Variants in ST3GAL1 observed in about 807,000 individuals in gnomAD.
The protein encoded by ST3GAL1 is ST3 beta-galactoside alpha-2,3-sialyltransferase 1.
ST3GAL1 carries 16 observed loss-of-function variants against 34.1 expected under a neutral mutation model. That is an observed-to-expected ratio of 0.47 (90% CI 0.32 to 0.71). ST3GAL1 has a LOEUF of 0.71. Among genes scored for constraint, ST3GAL1 ranks in the 30% least tolerant of loss-of-function variants. The probability of loss-of-function intolerance (pLI) is 0.04; values close to 1 mark genes in which losing one functional copy is unlikely to be tolerated. For missense variants in ST3GAL1, 353 were observed against 447.4 expected, an observed-to-expected ratio of 0.79 and a Z score of 1.90; for synonymous variants, 191 against 184.7, an observed-to-expected ratio of 1.03 and a Z score of -0.28.
chr8:133,498,865 G>A (rs977019360), intron 3 of ST3GAL1, among the ~76,000 whole-genome samples: 3 of 152,162 alleles, frequency 2.0e-5, no homozygotes, highest in South Asian at 2.1e-4. Context: ...CAGTGAGCTC[G>A]ATCCTGAACC....
rs139144312 is a variant in ST3GAL1, at chr8:133,485,659, C to T, written c.-373-9059G>A. Among the ~76,000 whole-genome samples, 681 of 152,288 alleles carry T rather than the reference C, an allele frequency of 4.5e-3. 4 individuals are homozygous for T. The highest frequency in any genetic ancestry group is 0.015 in the African/African-American group (639 of 41,550). On this transcript the variant is annotated intron_variant, in intron 3 of 9. Coordinates refer to ENST00000522652, the MANE Select transcript of ST3GAL1 (RefSeq NM_173344.3). Reference sequence around the variant, plus strand: ...AACCAGATGCCCAAGTCCCAAGACCCGCTTGACTCCTTAGAAAAAACCTGC... The same window carrying T: ...AACCAGATGCCCAAGTCCCAAGACCTGCTTGACTCCTTAGAAAAAACCTGC...
chr8:133,512,357 C>A (rs1817521183), intron 2 of ST3GAL1, among the ~76,000 whole-genome samples: 1 of 152,222 alleles, frequency 6.6e-6, no homozygotes, highest in African/African-American at 2.4e-5. Flanking sequence ...CTCAGCCAGT[C>A]TACCAGTCTA....
At chr8:133,505,384 G>C (rs977200547) in intron 2 of ST3GAL1, among the ~76,000 whole-genome samples, 1 of 152,150 alleles carries the variant, frequency 6.6e-6, no homozygotes, top group Non-Finnish European at 1.5e-5. Context: ...AAGCAAGCCC[G>C]TGGGTCTTGG....
chr8:133,470,871 G>A (rs573218763), intron 5 of ST3GAL1, among the ~76,000 whole-genome samples: 5 of 152,268 alleles, frequency 3.3e-5, no homozygotes, highest in East Asian at 1.9e-4. Flanking sequence ...CCCTGCACTC[G>A]GGCATGATCC....
chr8:133,519,006 C>T (rs1817724223), intron 2 of ST3GAL1, among the ~76,000 whole-genome samples: 1 of 152,020 alleles, frequency 6.6e-6, no homozygotes. Flanking sequence ...AGATTAGAGC[C>T]CCTCGGAGGT....
chr8:133,466,431 C>G lies in ST3GAL1; in HGVS notation c.307-341G>C, dbSNP rs970432295. 6.6e-6 allele frequency among the ~76,000 whole-genome samples: 1 copy of G among 152,198 alleles called. No homozygotes were observed. Among genetic ancestry groups the G allele is most frequent in the Non-Finnish European group, 1.5e-5 (1 of 68,036 alleles). ...CACATGTGATCAGCGTTTCTCCAAC[C>G]TGCTCCTCCCTGGGGGCTCCTGTCT... On this transcript the variant is annotated intron_variant, in intron 5 of 9. Transcript: ENST00000522652. This position sits in a 1 kb window ranked among gnomAD's most constrained non-coding sequence, Gnocchi z 4.4.
chr8:133,511,113 T>C (rs574819415), intron 2 of ST3GAL1, among the ~76,000 whole-genome samples: 23 of 152,364 alleles, frequency 1.5e-4, no homozygotes, highest in Admixed American at 4.6e-4. Flanking sequence ...TAAATCCTTG[T>C]GATACACTTG....
rs1816152784 is a variant in ST3GAL1, at chr8:133,475,801, T to C, written c.224A>G (p.Asp75Gly). Residue 75 changes from aspartate (D) to glycine (G), a missense_variant, in exon 5 of 10, where the codon GAT becomes GGT. Physicochemically the swap from Asp to Gly is moderately conservative, Grantham distance 94. Coordinates refer to ENST00000522652, the MANE Select transcript of ST3GAL1 (RefSeq NM_173344.3). The stretch of plus-strand genomic sequence containing the variant: ...CTGCATGGTCTGGTTGAACCTCTCA[T>C]CGAACCAGGCCGAGAGCTTGCGCTG... ...IGQRKLSAWFDERFNQTMQPL... is the reference protein window; with the variant it reads ...IGQRKLSAWFGERFNQTMQPL... The C allele has an allele frequency of 1.9e-6, 3 of 1,613,938 alleles. No individual in the cohort carries two copies. The highest frequency in any genetic ancestry group is 1.7e-5 in the Admixed American group (1 of 59,992).
intron 1 of ST3GAL1, among the ~76,000 whole-genome samples, chr8:133,554,829 C>T (rs1405779374): frequency 1.3e-5 from 2 of 150,892 alleles, no homozygotes; most frequent in Non-Finnish European, 2.9e-5. Context: ...TGGATTCAAG[C>T]GATTCTCGTG....
intron 1 of ST3GAL1, among the ~76,000 whole-genome samples, chr8:133,549,729 G>C (rs1409664298): frequency 6.6e-6 from 1 of 152,170 alleles, no homozygotes; most frequent in East Asian, 1.9e-4. Flanking sequence ...TTGGGAGGCC[G>C]AGGTGGGCAA....
intron 3 of ST3GAL1, among the ~76,000 whole-genome samples, chr8:133,488,784 G>A (rs1025723273): frequency 6.6e-6 from 1 of 152,196 alleles, no homozygotes; most frequent in African/African-American, 2.4e-5. Context: ...AGGTATGAAG[G>A]CCTGTGGGGA....
intron 2 of ST3GAL1, among the ~76,000 whole-genome samples, chr8:133,510,629 C>T (rs1412158127): frequency 2.0e-5 from 3 of 152,046 alleles, no homozygotes; most frequent in Non-Finnish European, 4.4e-5. Flanking sequence ...ATTAGTGCCA[C>T]TAATTAATTA....
At position 133,461,370 on chromosome 8, in the gene ST3GAL1, C is replaced by G. The variant is rs1192035775; in HGVS notation, c.849+505G>C. Among the ~76,000 whole-genome samples, 4 of 152,266 alleles carry G rather than the reference C, an allele frequency of 2.6e-5. No homozygotes were observed. The highest frequency in any genetic ancestry group is 2.0e-4 in the Admixed American group (3 of 15,298). On this transcript the variant is annotated intron_variant, in intron 9 of 9. Coordinates refer to ENST00000522652, the MANE Select transcript of ST3GAL1 (RefSeq NM_173344.3). This position sits in a 1 kb window ranked among gnomAD's most constrained non-coding sequence, Gnocchi z 4.7. Reference sequence around the variant, plus strand: ...GGAAACCCGAACACAGCCTAGCGGACAGCGAAGGACATGGGAAGGCAAATG... The same window carrying G: ...GGAAACCCGAACACAGCCTAGCGGAGAGCGAAGGACATGGGAAGGCAAATG...
intron 1 of ST3GAL1, among the ~76,000 whole-genome samples, chr8:133,558,261 C>T (rs573461826): frequency 1.6e-4 from 24 of 152,310 alleles, no homozygotes; most frequent in Admixed American, 9.8e-4. Flanking sequence ...CACAGCATAT[C>T]TTTAACAAGG....
chr8:133,547,139 C>G (rs984449097), intron 1 of ST3GAL1, among the ~76,000 whole-genome samples: 1 of 152,222 alleles, frequency 6.6e-6, no homozygotes, highest in Non-Finnish European at 1.5e-5. Context: ...CTTTGCCTCC[C>G]CTCCCAGCAT....
At chr8:133,539,087 C>G (rs1411872915) in intron 2 of ST3GAL1, among the ~76,000 whole-genome samples, 1 of 152,210 alleles carries the variant, frequency 6.6e-6, no homozygotes, top group Non-Finnish European at 1.5e-5. Context: ...AACACTCCCC[C>G]AGCCCCAGGA....
intron 1 of ST3GAL1, among the ~76,000 whole-genome samples, chr8:133,563,819 A>G (rs1819313480): frequency 6.6e-6 from 1 of 152,228 alleles, no homozygotes; most frequent in Admixed American, 6.5e-5. Flanking sequence ...CAGCTGCTGC[A>G]CATGTGCACC....
At chr8:133,547,047 C>T (rs1276159238) in intron 1 of ST3GAL1, among the ~76,000 whole-genome samples, 2 of 151,000 alleles carry the variant, frequency 1.3e-5, no homozygotes, top group East Asian at 1.9e-4. Context: ...AAGAATAGCA[C>T]AGAAACCCTC....
intron 1 of ST3GAL1, among the ~76,000 whole-genome samples, chr8:133,548,696 C>T (rs1190574503): frequency 6.6e-6 from 1 of 152,228 alleles, no homozygotes; most frequent in East Asian, 1.9e-4. Context: ...AGCACACATT[C>T]ATGTGTTTCT....
Sources: gnomAD v4.1 joint callset for allele counts (sites outside exome capture counted in the v4.1 genomes callset) on GRCh38, gnomAD v4.1.1 for gene constraint, Gnocchi (gnomAD v3.1) non-coding constraint, MANE v1.5 for transcripts, NCBI Gene and HGNC (gene_info 2026-07-23, HGNC 2026-07-21) for gene names.